Variants in ZNF649 observed in about 807,000 individuals in gnomAD.
ZNF649 encodes zinc finger protein 649.
Under a neutral mutation model 14.1 loss-of-function variants are expected in ZNF649, and 7 were observed. The ratio of observed to expected loss-of-function variants is 0.49; its 90% CI spans 0.28 to 0.93. The LOEUF is 0.93. Among genes scored for constraint, ZNF649 ranks in the 40% least tolerant of loss-of-function variants. The probability of loss-of-function intolerance (pLI) is 0.10; values close to 1 mark genes in which losing one functional copy is unlikely to be tolerated. For missense variants in ZNF649, 544 were observed against 608.1 expected (o/e 0.89, Z 1.11); for synonymous variants, 227 against 212.3 (o/e 1.07, Z -0.60).
Position 51,891,368 on chromosome 19 carries a change from G to T in ZNF649, c.768C>A (p.His256Gln). 6.2e-7 allele frequency: 1 copy of T among 1,614,052 alleles called. No individual in the cohort carries two copies. Among genetic ancestry groups the T allele is most frequent in the Non-Finnish European group, 8.5e-7 (1 of 1,179,906 alleles). Residue 256 changes from histidine to glutamine, a missense_variant, in exon 5 of 5, where the codon CAC (histidine) becomes CAA (glutamine). Transcript: ENST00000354957. This position sits in a 1 kb window ranked among gnomAD's most constrained non-coding sequence, Gnocchi z 4.2. ...RYRLTEHERAHKGEKPYGCSE... is the reference protein window; with the variant it reads ...RYRLTEHERAQKGEKPYGCSE... Reference sequence around the variant, plus strand: ...TGCACCCGTATGGTTTCTCTCCTTTGTGAGCTCTCTCGTGTTCAGTGAGCC... The same window carrying T: ...TGCACCCGTATGGTTTCTCTCCTTTTTGAGCTCTCTCGTGTTCAGTGAGCC...
At chr19:51,902,754 G>C (rs2085101685) in intron 1 of ZNF649, among the ~76,000 whole-genome samples, 1 of 152,184 alleles carries the variant, frequency 6.6e-6, no homozygotes, top group Non-Finnish European at 1.5e-5. Context: ...TGAGTCTTCA[G>C]CCAAGAACTG....
chr19:51,901,646 T>TAAAAATAA (rs1271430402), intron 1 of ZNF649, among the ~76,000 whole-genome samples: 1 of 147,854 alleles, frequency 6.8e-6, no homozygotes, highest in Non-Finnish European at 1.5e-5. Context: ...CCCTGTCTCT[T>TAAAAATAA]AAAAATAAAA....
chr19:51,891,595 T>G lies in ZNF649; in HGVS notation c.541A>C (p.Thr181Pro). 1 of 1,614,250 alleles carries G rather than the reference T, an allele frequency of 6.2e-7. No individual in the cohort carries two copies. Among genetic ancestry groups the G allele is most frequent in the East Asian group, 2.2e-5 (1 of 44,880 alleles). The change falls in exon 5 of 5, where the codon ACT (threonine) becomes CCT (proline). Residue 181 changes from threonine to proline, a missense_variant. Thr to Pro is a conservative substitution (Grantham distance 38). Transcript: ENST00000354957. The surrounding 1 kb of genome is among the most constrained non-coding windows in gnomAD (Gnocchi z 4.2). ...THNIEKAHEC[T>P]DCGKAFLKKS... ...TTGAGGAAAGCTTTCCCACAGTCAG[T>G]GCATTCATGGGCTTTCTCTATGTTG...
Position 51,891,643 on chromosome 19 carries a change from ATTGTGAC to A in ZNF649, c.486_492del (p.Lys162AsnfsTer11). On this transcript the variant is annotated frameshift_variant, in exon 5 of 5. Transcript: ENST00000354957. LOFTEE classifies it low-confidence loss of function (END_TRUNC). The surrounding 1 kb of genome is among the most constrained non-coding windows in gnomAD (Gnocchi z 4.2). ...TTGTGTGTTTGCTGATGTTTAAGGA[ATTGTGAC>A]TTGGTGCTGATGGGTTTTCTACTTT... is the stretch of plus-strand genomic sequence containing the variant. 1 of 1,614,220 alleles carries A rather than the reference ATTGTGAC, an allele frequency of 6.2e-7. No individual in the cohort carries two copies. Among genetic ancestry groups the A allele is most frequent in the South Asian group, 1.1e-5 (1 of 91,084 alleles).
intron 2 of ZNF649, among the ~76,000 whole-genome samples, chr19:51,897,939 T>C (rs771396280): frequency 6.6e-6 from 1 of 151,930 alleles, no homozygotes; most frequent in Non-Finnish European, 1.5e-5. Context: ...CTGGCTAACA[T>C]GGCTAAACAT....
Position 51,904,923 on chromosome 19 carries a change from T to G in ZNF649, c.-197A>C, listed in dbSNP as rs751735301. 1 of 152,462 alleles carries G rather than the reference T, an allele frequency of 6.6e-6. No homozygotes were observed. The highest frequency in any genetic ancestry group is 2.4e-5 in the African/African-American group (1 of 41,454). 9.4% of individuals were successfully genotyped at this position (152,462 alleles called of 1,614,324 possible). A position where few individuals can be genotyped will look rare whatever the true frequency, so the allele number is the denominator to read the frequency against. ...AGACCCAAACACTCACCTGATTTTC[T>G]TCTGGCTACACCTAAATTCCCTGAA... is the stretch of plus-strand genomic sequence containing the variant. On this transcript the variant is annotated 5_prime_UTR_variant, in exon 1 of 5. Transcript: ENST00000354957.
At chr19:51,898,313 G>A (rs1568456639) in intron 2 of ZNF649, among the ~76,000 whole-genome samples, 1 of 152,040 alleles carries the variant, frequency 6.6e-6, no homozygotes, top group Non-Finnish European at 1.5e-5. Context: ...GGGTCCCCAC[G>A]TTATCACACT....
intron 1 of ZNF649, 181 bp from the exon 2 acceptor site, chr19:51,900,475 A>G (rs1039106633): frequency 2.0e-5 from 4 of 205,048 alleles, no homozygotes; most frequent in African/African-American, 9.2e-5. Context: ...GTGGGGAGTC[A>G]TATGGCAGTG....
At chr19:51,897,096 C>T in intron 2 of ZNF649, 118 bp from the exon 3 acceptor site, 1 of 1,412,802 alleles carries the variant, frequency 7.1e-7, no homozygotes, top group Non-Finnish European at 9.8e-7. Flanking sequence ...CCTTGGTATA[C>T]TCAATGGAAT....
rs1371042127 is a variant in ZNF649, at chr19:51,891,832, C to T, written c.304G>A (p.Gly102Arg). 1 of 1,594,534 alleles carries T rather than the reference C, an allele frequency of 6.3e-7. No homozygotes were observed. The highest frequency in any genetic ancestry group is 2.2e-5 in the East Asian group (1 of 44,820). Residue 102 changes from glycine (G) to arginine (R), a missense_variant, in exon 5 of 5, where the codon GGA becomes AGA. Physicochemically the swap from Gly to Arg is moderately radical, Grantham distance 125. Transcript: ENST00000354957. This position sits in a 1 kb window ranked among gnomAD's most constrained non-coding sequence, Gnocchi z 4.2. Reference protein sequence around the residue: ...LQNQKILKRTGQRYEHGRTLK... With the variant: ...LQNQKILKRTRQRYEHGRTLK... ...GTTCTTCCGTGTTCATAGCGTTGTC[C>T]CGTCCTCTTCAGTATTTTTTGGTTT...
In ZNF649 at chr19:51,891,413, T is replaced by G. The variant is rs1054003708; in HGVS notation, c.723A>C (p.Lys241Asn). 1.8e-5 allele frequency: 29 copies of G among 1,614,204 alleles called. No homozygotes were observed. The highest frequency in any genetic ancestry group is 2.5e-5 in the Non-Finnish European group (29 of 1,180,016). ...EKPHGCSLCG[K>N]AFYKRYRLTE... ...TGAGCCTGTACCTCTTGTAGAAGGCTTTCCCACACAAGCTACACCCGTGGG... is the reference window on the plus strand; with the variant it reads ...TGAGCCTGTACCTCTTGTAGAAGGCGTTCCCACACAAGCTACACCCGTGGG... The change falls in exon 5 of 5, where the codon AAA (lysine) becomes AAC (asparagine). Residue 241 changes from lysine (K) to asparagine (N), a missense_variant. Transcript: ENST00000354957. The surrounding 1 kb of genome is among the most constrained non-coding windows in gnomAD (Gnocchi z 4.2).
intron 2 of ZNF649, chr19:51,897,335 A>G (rs1269038836): frequency 5.3e-6 from 1 of 188,684 alleles, no homozygotes; most frequent in Non-Finnish European, 1.1e-5. Flanking sequence ...AAGTCATAGT[A>G]AAATATTCTA....
intron 2 of ZNF649, chr19:51,899,858 G>A: frequency 2.6e-6 from 1 of 380,558 alleles, no homozygotes; most frequent in Non-Finnish European, 4.6e-6. Context: ...ACTTAATGTA[G>A]CCAACAGGGT....
intron 3 of ZNF649, 30 bp from the exon 4 acceptor site, chr19:51,896,597 G>T: frequency 3.1e-6 from 5 of 1,608,864 alleles, no homozygotes; most frequent in Non-Finnish European, 4.3e-6. Context: ...GAAGACTTAG[G>T]CTCACTGAAT....
chr19:51,896,643 A>G (rs1234659525), intron 3 of ZNF649, 76 bp from the exon 4 acceptor site: 1 of 1,548,726 alleles, frequency 6.5e-7, no homozygotes, highest in Non-Finnish European at 8.9e-7. Flanking sequence ...AGAAAGGTAC[A>G]TGTTAGGGAC....
At position 51,896,514 on chromosome 19, in the gene ZNF649, G is replaced by A. The variant is rs1345838872; in HGVS notation, c.196C>T (p.Leu66=). The change falls in exon 4 of 5, where the codon CTA becomes TTA. Residue 66 remains leucine, a synonymous_variant. Coordinates refer to ENST00000354957, the MANE Select transcript of ZNF649 (RefSeq NM_023074.4). The part of the protein sequence containing the change: ...ALTKLEQGEP[L]WTLEDEIHSP... ...TGGATTTCATCTTCTAGTGTCCATAGTGGTTCTCCTTGTTCCAACTTGGTG... is the reference window on the plus strand; with the variant it reads ...TGGATTTCATCTTCTAGTGTCCATAATGGTTCTCCTTGTTCCAACTTGGTG... The A allele has an allele frequency of 6.2e-7, 1 of 1,614,136 alleles. No individual in the cohort carries two copies. The highest frequency in any genetic ancestry group is 1.7e-5 in the Admixed American group (1 of 60,018).
At position 51,891,373 on chromosome 19, in the gene ZNF649, C is replaced by A; in HGVS notation, c.763G>T (p.Ala255Ser). The change falls in exon 5 of 5, where the codon GCT becomes TCT. Residue 255 changes from alanine (A) to serine (S), a missense_variant. By Grantham distance (99) the Ala-to-Ser change is moderately conservative. Transcript: ENST00000354957. The surrounding 1 kb of genome is among the most constrained non-coding windows in gnomAD (Gnocchi z 4.2). ...CCGTATGGTTTCTCTCCTTTGTGAG[C>A]TCTCTCGTGTTCAGTGAGCCTGTAC... is the stretch of plus-strand genomic sequence containing the variant. ...KRYRLTEHER[A>S]HKGEKPYGCS... The A allele has an allele frequency of 1.2e-6, 2 of 1,614,026 alleles. No individual in the cohort carries two copies. The highest frequency in any genetic ancestry group is 1.7e-6 in the Non-Finnish European group (2 of 1,179,908).
In ZNF649 at chr19:51,889,290, T is replaced by C. The variant is rs2084998667; in HGVS notation, c.*1328A>G. ...TGATATAATGTCCTTGAAGTTAGAATGATAAGTTCATGATTTTCTTTCAGT... is the reference window on the plus strand; with the variant it reads ...TGATATAATGTCCTTGAAGTTAGAACGATAAGTTCATGATTTTCTTTCAGT... On this transcript the variant is annotated 3_prime_UTR_variant, in exon 5 of 5. Coordinates refer to ENST00000354957, the MANE Select transcript of ZNF649 (RefSeq NM_023074.4). 6.6e-6 allele frequency: 1 copy of C among 152,220 alleles called. No homozygotes were observed. Among genetic ancestry groups the C allele is most frequent in the Non-Finnish European group, 1.5e-5 (1 of 68,036 alleles). The allele number at this position is 152,220 out of a possible 1,614,324, so 9.4% of individuals were successfully genotyped here. A position where few individuals can be genotyped will look rare whatever the true frequency, so the allele number is the denominator to read the frequency against.
chr19:51,896,522 CCTT>C lies in ZNF649; in HGVS notation c.185_187del (p.Gln62_Gly63delinsArg). ...ATCTTCTAGTGTCCATAGTGGTTCTCCTTGTTCCAACTTGGTGAGGGCATCAGG... is the reference window on the plus strand; with the variant it reads ...ATCTTCTAGTGTCCATAGTGGTTCTCGTTCCAACTTGGTGAGGGCATCAGG... On this transcript the variant is annotated inframe_deletion, in exon 4 of 5. Coordinates refer to ENST00000354957, the MANE Select transcript of ZNF649 (RefSeq NM_023074.4). The C allele has an allele frequency of 1.2e-6, 2 of 1,614,132 alleles. No individual in the cohort carries two copies. The highest frequency in any genetic ancestry group is 1.7e-6 in the Non-Finnish European group (2 of 1,180,034).
Sources: gnomAD v4.1 joint callset for allele counts (sites outside exome capture counted in the v4.1 genomes callset) on GRCh38, gnomAD v4.1.1 for gene constraint, Gnocchi (gnomAD v3.1) non-coding constraint, MANE v1.5 for transcripts, NCBI Gene and HGNC (gene_info 2026-07-23, HGNC 2026-07-21) for gene names.